PLXNC1: variants seen among roughly 807,000 people sequenced by gnomAD.
PLXNC1 encodes plexin C1.
PLXNC1 carries 75 observed loss-of-function variants against 178.2 expected under a neutral mutation model. The ratio of observed to expected loss-of-function variants is 0.42; its 90% CI spans 0.35 to 0.51. The LOEUF is 0.51. Among genes scored for constraint, PLXNC1 ranks in the 20% least tolerant of loss-of-function variants. PLXNC1 has a pLI of 0.02. For synonymous variants in PLXNC1, 790 were observed against 779.9 expected (o/e 1.01, Z -0.22); for missense variants, 1,503 against 1,984.4 (o/e 0.76, Z 4.61).
At chr12:94,191,795 A>G (rs1962736945) in intron 4 of PLXNC1, among the ~76,000 whole-genome samples, 1 of 151,344 alleles carries the variant, frequency 6.6e-6, no homozygotes, top group Non-Finnish European at 1.5e-5. Flanking sequence ...ATAGGCATCT[A>G]GTATAAGTAG....
intron 12 of PLXNC1, among the ~76,000 whole-genome samples, chr12:94,246,733 C>G (rs1964539245): frequency 6.6e-6 from 1 of 152,134 alleles, no homozygotes. Flanking sequence ...CAGTGGTTTT[C>G]ATCCTGAGGA....
At chr12:94,280,805 AGTAG>A (rs1327249276) in intron 22 of PLXNC1, among the ~76,000 whole-genome samples, 2 of 152,194 alleles carry the variant, frequency 1.3e-5, no homozygotes, top group Non-Finnish European at 2.9e-5. Flanking sequence ...GCCGCTGATG[AGTAG>A]GTAGTAGCAT....
chr12:94,166,517 T>C (rs1961616559), intron 1 of PLXNC1, among the ~76,000 whole-genome samples: 1 of 132,026 alleles, frequency 7.6e-6, no homozygotes, highest in African/African-American at 2.8e-5. Flanking sequence ...TTAGTACATG[T>C]TAGCTGGTAT....
intron 4 of PLXNC1, among the ~76,000 whole-genome samples, chr12:94,200,685 T>G (rs1295918796): frequency 2.0e-5 from 3 of 152,184 alleles, no homozygotes; most frequent in Non-Finnish European, 2.9e-5. Context: ...CATTTTCCCA[T>G]TTTTATTTCC....
chr12:94,256,876 C>G (rs76052594), intron 17 of PLXNC1, among the ~76,000 whole-genome samples: 2 of 136,662 alleles, frequency 1.5e-5, no homozygotes, highest in Non-Finnish European at 3.1e-5. Context: ...ATCCCAGGAA[C>G]AATGCTACCT....
At chr12:94,230,439 GAGA>G (rs1964066990) in intron 9 of PLXNC1, among the ~76,000 whole-genome samples, 1 of 152,158 alleles carries the variant, frequency 6.6e-6, no homozygotes, top group Non-Finnish European at 1.5e-5. Context: ...GTCACCACAA[GAGA>G]AGAAGAAGGC....
At chr12:94,265,011 C>G in intron 20 of PLXNC1, 68 bp from the exon 21 acceptor site, 6 of 1,516,326 alleles carry the variant, frequency 4.0e-6, no homozygotes, top group Non-Finnish European at 4.5e-6. Context: ...TAAACAGAAA[C>G]TTTAATTCTT....
At chr12:94,182,877 A>ATCTATCTG (rs1962368980) in intron 3 of PLXNC1, among the ~76,000 whole-genome samples, 1 of 146,058 alleles carries the variant, frequency 6.8e-6, no homozygotes, top group Non-Finnish European at 1.5e-5. Context: ...CTATCTATCT[A>ATCTATCTG]TCTATCTATC....
rs1044279312 is a variant in PLXNC1, at chr12:94,290,202, A to G, written c.3880-4284A>G. The stretch of plus-strand genomic sequence containing the variant: ...GAATCATCAGCTTCCTTTTATAAAA[A>G]GATATTTATTGGCTTAGAAACAGAG... On this transcript the variant is annotated intron_variant, in intron 23 of 30. Coordinates refer to ENST00000258526, the MANE Select transcript of PLXNC1 (RefSeq NM_005761.3). Among the ~76,000 whole-genome samples the G allele has an allele frequency of 3.3e-5, 5 of 152,252 alleles. No individual in the cohort carries two copies. In the East Asian group the frequency reaches 9.6e-4, roughly 29 times the overall value.
intron 9 of PLXNC1, among the ~76,000 whole-genome samples, chr12:94,232,595 T>G (rs1964135127): frequency 6.6e-6 from 1 of 152,250 alleles, no homozygotes; most frequent in African/African-American, 2.4e-5. Context: ...GCTGAGCAAC[T>G]ACTATGTGCT....
rs1968158962 is a variant in PLXNC1 at position 94,298,559 on chromosome 12, CT to C, written c.4075-69del. The C allele has an allele frequency of 2.5e-6, 3 of 1,194,116 alleles. No homozygotes were observed. In the South Asian group the frequency reaches 4.5e-5, roughly 18 times the overall value. The allele number at this position is 1,194,116 out of a possible 1,614,324, so 74.0% of individuals were successfully genotyped here. ...ATTATTTTCTCTGAATGTGGATTTGCTTTTGCTATTATGTTTTCAAAACCAC... is the reference window on the plus strand; with the variant it reads ...ATTATTTTCTCTGAATGTGGATTTGCTTTGCTATTATGTTTTCAAAACCAC... On this transcript the variant is annotated intron_variant, in intron 26 of 30. Transcript: ENST00000258526.
intron 21 of PLXNC1, among the ~76,000 whole-genome samples, chr12:94,269,843 T>C (rs1965467675): frequency 6.6e-6 from 1 of 152,232 alleles, no homozygotes; most frequent in Non-Finnish European, 1.5e-5. Context: ...AGCTTCCTGA[T>C]CAAAGAGTGA....
intron 27 of PLXNC1, among the ~76,000 whole-genome samples, chr12:94,300,054 T>C (rs376461535): frequency 6.6e-6 from 1 of 152,194 alleles, no homozygotes; most frequent in Non-Finnish European, 1.5e-5. Flanking sequence ...TGGAAGGACT[T>C]TGAACCAGTC....
chr12:94,258,241 A>G (rs2136078805), intron 17 of PLXNC1, among the ~76,000 whole-genome samples: 1 of 152,344 alleles, frequency 6.6e-6, no homozygotes, highest in Non-Finnish European at 1.5e-5. Context: ...GGTTCAGCAG[A>G]AAAATATTAA....
chr12:94,254,205 A>C lies in PLXNC1; in HGVS notation c.2882-582A>C, dbSNP rs952557495. ...TAGTAAATGGCAGAGCAAGGACATG[A>C]ACCCAAGCACCAAACTGGGTTGGTT... is the stretch of plus-strand genomic sequence containing the variant. On this transcript the variant is annotated intron_variant, in intron 15 of 30. Coordinates refer to ENST00000258526, the MANE Select transcript of PLXNC1 (RefSeq NM_005761.3). 2.6e-5 allele frequency among the ~76,000 whole-genome samples: 4 copies of C among 152,230 alleles called. No individual in the cohort carries two copies. The East Asian group carries it at 7.7e-4, about 29-fold the overall frequency.
At chr12:94,283,259 G>A (rs1347309720) in intron 23 of PLXNC1, among the ~76,000 whole-genome samples, 4 of 152,150 alleles carry the variant, frequency 2.6e-5, no homozygotes, top group Non-Finnish European at 4.4e-5. Context: ...ACTGAACTGA[G>A]AGCTAAACAA....
chr12:94,166,707 G>A (rs1217625433), intron 1 of PLXNC1, among the ~76,000 whole-genome samples: 2 of 152,002 alleles, frequency 1.3e-5, no homozygotes, highest in African/African-American at 2.4e-5. Flanking sequence ...AAATGTAAAC[G>A]AGTGCTGGGT....
intron 9 of PLXNC1, among the ~76,000 whole-genome samples, chr12:94,229,046 C>T (rs894213133): frequency 1.8e-4 from 28 of 152,194 alleles, no homozygotes; most frequent in African/African-American, 6.3e-4. Context: ...TCCAGTTTCA[C>T]CCCATCCTCA....
intron 11 of PLXNC1, 131 bp downstream of exon 11, chr12:94,240,795 T>A (rs1964366611): frequency 2.8e-6 from 2 of 721,058 alleles, no homozygotes; most frequent in Admixed American, 2.6e-5. Context: ...CTCCTTAGGA[T>A]TTACTCCTAG....
Sources: gnomAD v4.1 joint callset for allele counts (sites outside exome capture counted in the v4.1 genomes callset) on GRCh38, gnomAD v4.1.1 for gene constraint, MANE v1.5 for transcripts, NCBI Gene and HGNC (gene_info 2026-07-23, HGNC 2026-07-21) for gene names.